GOLM2: variants seen among roughly 807,000 people sequenced by gnomAD.
The protein encoded by GOLM2 is golgi membrane protein 2.
In GOLM2, 26 loss-of-function variants were observed where a neutral mutation model predicts 55.9. That is an observed-to-expected ratio of 0.47 (90% CI 0.34 to 0.65). The LOEUF (loss-of-function observed/expected upper bound fraction) is 0.65. Among genes scored for constraint, GOLM2 ranks in the 30% least tolerant of loss-of-function variants. The pLI, the probability that GOLM2 is intolerant of heterozygous loss-of-function variation, is 0.01. For missense variants in GOLM2, 486 were observed against 531.8 expected (o/e 0.91, Z 0.85); for synonymous variants, 165 against 194.6 (o/e 0.85, Z 1.27).
intron 6 of GOLM2, among the ~76,000 whole-genome samples, chr15:44,378,949 G>A (rs2079383383): frequency 6.6e-6 from 1 of 152,080 alleles, no homozygotes; most frequent in Non-Finnish European, 1.5e-5. Flanking sequence ...GTTTCACCTT[G>A]TTGGCCAAGC....
At chr15:44,379,911 T>TTA in intron 7 of GOLM2, 123 bp downstream of exon 7, 5 of 503,006 alleles carry the variant, frequency 9.9e-6, no homozygotes, top group South Asian at 4.5e-5. Context: ...TGAGGTAATG[T>TTA]TATTTTTTTT....
At chr15:44,307,588 T>G (rs2078847886) in intron 1 of GOLM2, 1 of 152,218 alleles carries the variant, frequency 6.6e-6, no homozygotes, top group Non-Finnish European at 1.5e-5. Context: ...TGTTCAAAGT[T>G]TATTATATGC....
intron 4 of GOLM2, 56 bp from the exon 5 acceptor site, chr15:44,337,707 G>A: frequency 6.4e-6 from 8 of 1,256,916 alleles, no homozygotes; most frequent in South Asian, 1.5e-5. Context: ...TAATAGTTGT[G>A]TCGGTGGTTT....
chr15:44,345,679 A>G (rs575107350), intron 6 of GOLM2, among the ~76,000 whole-genome samples: 1 of 152,232 alleles, frequency 6.6e-6, no homozygotes, highest in East Asian at 1.9e-4. Flanking sequence ...TTTAGCTTTA[A>G]AAATCCAATC....
rs1271835093 is a variant in GOLM2, at chr15:44,413,480, T to A, written c.*74T>A. 8.9e-7 allele frequency: 1 copy of A among 1,128,794 alleles called. No individual in the cohort carries two copies. Among genetic ancestry groups the A allele is most frequent in the African/African-American group, 1.6e-5 (1 of 64,100 alleles). 69.9% of individuals were successfully genotyped at this position (1,128,794 alleles called of 1,614,324 possible). A position where few individuals can be genotyped will look rare whatever the true frequency, so the allele number is the denominator to read the frequency against. On this transcript the variant is annotated 3_prime_UTR_variant, in exon 10 of 10. Coordinates refer to ENST00000299957, the MANE Select transcript of GOLM2 (RefSeq NM_138423.4). ...ATTCTACTTTGTCCTTTCTGACTTT[T>A]GTTGTAAAGACGAATTGTATCAGTT...
chr15:44,298,673 C>T (rs371268566), intron 1 of GOLM2, among the ~76,000 whole-genome samples: 27 of 152,172 alleles, frequency 1.8e-4, no homozygotes, highest in East Asian at 1.7e-3. Context: ...TTGTGAACTT[C>T]GTTTTCTCAA....
At chr15:44,410,274 T>TA (rs1414284559) in intron 9 of GOLM2, among the ~76,000 whole-genome samples, 3 of 151,920 alleles carry the variant, frequency 2.0e-5, no homozygotes, top group African/African-American at 4.8e-5. Flanking sequence ...CCGTCTCTAC[T>TA]AAAAAAATAC....
chr15:44,298,349 C>T (rs2078772697), intron 1 of GOLM2, among the ~76,000 whole-genome samples: 2 of 150,978 alleles, frequency 1.3e-5, no homozygotes, highest in African/African-American at 4.9e-5. Context: ...CTGCAACCTC[C>T]GCCTCCCAGG....
chr15:44,293,823 T>A (rs931957523), intron 1 of GOLM2, among the ~76,000 whole-genome samples: 9 of 152,224 alleles, frequency 5.9e-5, no homozygotes, highest in African/African-American at 2.2e-4. Flanking sequence ...GAAGAAAGTA[T>A]GTTCACCCTC....
chr15:44,350,836 A>T (rs184059563), intron 6 of GOLM2, among the ~76,000 whole-genome samples: 5 of 152,342 alleles, frequency 3.3e-5, no homozygotes, highest in African/African-American at 4.8e-5. Context: ...TGACTCAATT[A>T]ATGTGGTATG....
chr15:44,349,230 G>T (rs2079145077), intron 6 of GOLM2, among the ~76,000 whole-genome samples: 1 of 145,372 alleles, frequency 6.9e-6, no homozygotes, highest in Non-Finnish European at 1.5e-5. Context: ...TTGCACTACA[G>T]CCTGGGCAAC....
chr15:44,339,631 C>T (rs1259406976), intron 6 of GOLM2, among the ~76,000 whole-genome samples: 1 of 151,618 alleles, frequency 6.6e-6, no homozygotes, highest in Non-Finnish European at 1.5e-5. Context: ...AGCCACCAAG[C>T]CCGGCCTCTT....
At chr15:44,361,194 A>G (rs2079235481) in intron 6 of GOLM2, among the ~76,000 whole-genome samples, 1 of 151,980 alleles carries the variant, frequency 6.6e-6, no homozygotes, top group South Asian at 2.1e-4. Context: ...GGCAAGAAAT[A>G]ACTAAAATCA....
chr15:44,299,634 C>T (rs540198222), intron 1 of GOLM2, among the ~76,000 whole-genome samples: 3 of 152,148 alleles, frequency 2.0e-5, no homozygotes, highest in East Asian at 3.9e-4. Flanking sequence ...TTTTTGGAGT[C>T]AAACAGACTT....
At chr15:44,377,741 C>G (rs1041347959) in intron 6 of GOLM2, among the ~76,000 whole-genome samples, 55 of 151,828 alleles carry the variant, frequency 3.6e-4, no homozygotes, top group African/African-American at 1.3e-3. Flanking sequence ...TGATTCAGCA[C>G]TATCATTTGG....
chr15:44,294,187 A>T (rs1242626904), intron 1 of GOLM2, among the ~76,000 whole-genome samples: 1 of 152,164 alleles, frequency 6.6e-6, no homozygotes, highest in Non-Finnish European at 1.5e-5. Context: ...GTACTTTTAG[A>T]TGCTCTAGGC....
chr15:44,333,705 T>A (rs1391555538), intron 4 of GOLM2, among the ~76,000 whole-genome samples: 1 of 151,944 alleles, frequency 6.6e-6, no homozygotes, highest in Non-Finnish European at 1.5e-5. Flanking sequence ...ATGGGATAAG[T>A]TTGCTCTCTT....
intron 6 of GOLM2, among the ~76,000 whole-genome samples, chr15:44,375,642 G>A (rs2079359744): frequency 1.3e-5 from 2 of 152,126 alleles, no homozygotes; most frequent in Admixed American, 1.3e-4. Flanking sequence ...TTAGCCAGGT[G>A]TAGTGTTGCA....
chr15:44,299,898 G>A (rs547394582), intron 1 of GOLM2, among the ~76,000 whole-genome samples: 62 of 137,886 alleles, frequency 4.5e-4, no homozygotes, highest in Middle Eastern at 4.0e-3. Context: ...GTGAGGCCAG[G>A]AGGTTGAGGC....
Sources: allele counts gnomAD v4.1 joint callset (sites outside exome capture counted in the v4.1 genomes callset), GRCh38; gene constraint gnomAD v4.1.1; transcripts MANE v1.5; gene names NCBI Gene and HGNC (gene_info 2026-07-23, HGNC 2026-07-21).